MACROD2: variants seen among roughly 807,000 people sequenced by gnomAD.
The protein encoded by MACROD2 is ADP-ribose glycohydrolase MACROD2.
A neutral mutation model predicts 70.4 loss-of-function variants in MACROD2; 36 were observed. The observed-to-expected ratio is 0.51, with a 90% confidence interval of 0.39 to 0.68. MACROD2 has a LOEUF of 0.68. Ranked by LOEUF, MACROD2 falls within the 30% of genes least tolerant of loss-of-function variation. The pLI is 0.00. For synonymous variants in MACROD2, 172 were observed against 178.8 expected, an observed-to-expected ratio of 0.96 and a Z score of 0.30; for missense variants, 496 against 538.4, an observed-to-expected ratio of 0.92 and a Z score of 0.78.
At chr20:14,405,315 A>G (rs116663873) in intron 3 of MACROD2, among the ~76,000 whole-genome samples, 4,007 of 152,280 alleles carry the variant, frequency 0.026, 83 homozygotes, top group Non-Finnish European at 0.041. Flanking sequence ...TTCGGCTGCT[A>G]TGAGACTTTA....
At chr20:14,793,880 G>A (rs1457192606) in intron 5 of MACROD2, among the ~76,000 whole-genome samples, 2 of 152,062 alleles carry the variant, frequency 1.3e-5, no homozygotes, top group African/African-American at 4.8e-5. Context: ...GGAGGGAAGA[G>A]CTATGGCCGG....
intron 5 of MACROD2, among the ~76,000 whole-genome samples, chr20:15,155,271 A>G (rs2076299097): frequency 1.3e-5 from 2 of 152,144 alleles, no homozygotes; most frequent in African/African-American, 4.8e-5. Flanking sequence ...AAACTCTTCA[A>G]ACTCACATAG....
At chr20:14,587,092 T>C (rs1981433752) in intron 4 of MACROD2, among the ~76,000 whole-genome samples, 1 of 151,956 alleles carries the variant, frequency 6.6e-6, no homozygotes, top group African/African-American at 2.4e-5. Context: ...TCTCATTTCT[T>C]TGTGTCTTTT....
intron 5 of MACROD2, among the ~76,000 whole-genome samples, chr20:15,084,077 T>TTTTTTTGTTTGTTTTG (rs59469837): frequency 0.11 from 16,263 of 145,470 alleles, 1,061 homozygotes; most frequent in Middle Eastern, 0.18. Context: ...TTTTTGTTTT[T>TTTTTTTGTTTGTTTTG]TTTTTTTAAT....
intron 6 of MACROD2, among the ~76,000 whole-genome samples, chr20:15,282,406 T>A (rs1568690594): frequency 6.6e-6 from 1 of 152,200 alleles, no homozygotes; most frequent in Admixed American, 6.5e-5. Context: ...AAGTTCCAAT[T>A]CCAAACCACA....
intron 13 of MACROD2, among the ~76,000 whole-genome samples, chr20:15,974,346 A>C (rs1362145093): frequency 1.3e-5 from 2 of 152,230 alleles, no homozygotes; most frequent in African/African-American, 4.8e-5. Context: ...CACTAAAAAG[A>C]AATGAGCTAT....
intron 8 of MACROD2, among the ~76,000 whole-genome samples, chr20:15,681,222 G>A (rs1004360703): frequency 1.3e-5 from 2 of 152,236 alleles, no homozygotes; most frequent in African/African-American, 4.8e-5. Flanking sequence ...GATGGCTCAT[G>A]TAAACTCTTC....
intron 5 of MACROD2, among the ~76,000 whole-genome samples, chr20:14,956,918 A>C (rs1230355705): frequency 6.6e-6 from 1 of 152,164 alleles, no homozygotes; most frequent in African/African-American, 2.4e-5. Context: ...AGTTTTTCTC[A>C]GACTTCGGTC....
At chr20:14,798,778 A>AT (rs1220066006) in intron 5 of MACROD2, among the ~76,000 whole-genome samples, 2 of 152,072 alleles carry the variant, frequency 1.3e-5, no homozygotes, top group Non-Finnish European at 2.9e-5. Flanking sequence ...CTGTCACCTT[A>AT]TGTTTTAATA....
intron 8 of MACROD2, among the ~76,000 whole-genome samples, chr20:15,540,380 G>A (rs181816526): frequency 2.1e-4 from 32 of 152,298 alleles, no homozygotes; most frequent in African/African-American, 7.5e-4. Context: ...CCCGGCCATC[G>A]TGTGGAGGAT....
At chr20:14,715,257 A>T (rs2071384632) in intron 5 of MACROD2, among the ~76,000 whole-genome samples, 1 of 152,112 alleles carries the variant, frequency 6.6e-6, no homozygotes, top group African/African-American at 2.4e-5. Flanking sequence ...TAGCATGCAG[A>T]AAACTGTCTC....
intron 5 of MACROD2, among the ~76,000 whole-genome samples, chr20:14,766,829 T>C (rs1056656402): frequency 1.8e-4 from 27 of 152,136 alleles, no homozygotes; most frequent in African/African-American, 6.5e-4. Context: ...ATCTCTTTTT[T>C]CTTTTGTGTT....
chr20:15,973,798 A>G (rs74796142), intron 13 of MACROD2, among the ~76,000 whole-genome samples: 1,793 of 152,338 alleles, frequency 0.012, 33 homozygotes, highest in African/African-American at 0.04. Flanking sequence ...ATTTGAACCA[A>G]TCTATTCGGT....
At chr20:15,315,953 CT>C (rs869174752) in intron 6 of MACROD2, among the ~76,000 whole-genome samples, 7 of 151,920 alleles carry the variant, frequency 4.6e-5, no homozygotes, top group Non-Finnish European at 8.8e-5. Flanking sequence ...TTTGGACACT[CT>C]TTTTATCTAT....
chr20:14,465,488 A>T (rs1164086712), intron 3 of MACROD2, among the ~76,000 whole-genome samples: 1 of 151,998 alleles, frequency 6.6e-6, no homozygotes, highest in Non-Finnish European at 1.5e-5. Flanking sequence ...ACTCTATCCA[A>T]TTTGCCAGTC....
intron 8 of MACROD2, among the ~76,000 whole-genome samples, chr20:15,783,332 T>C (rs901939033): frequency 3.3e-5 from 5 of 152,164 alleles, no homozygotes. Flanking sequence ...AGTTGATAAA[T>C]ACTTTACGTC....
intron 5 of MACROD2, among the ~76,000 whole-genome samples, chr20:15,208,160 T>C (rs2076728269): frequency 6.6e-6 from 1 of 152,190 alleles, no homozygotes; most frequent in South Asian, 2.1e-4. Flanking sequence ...TATTGTCCTG[T>C]CTTCAAGTTC....
intron 5 of MACROD2, among the ~76,000 whole-genome samples, chr20:14,735,675 G>A (rs548594179): frequency 6.6e-6 from 1 of 151,964 alleles, no homozygotes; most frequent in African/African-American, 2.4e-5. Context: ...TGGCAAAACC[G>A]TGTCTCTATT....
intron 3 of MACROD2, among the ~76,000 whole-genome samples, chr20:14,127,138 A>G (rs954649419): frequency 1.3e-5 from 2 of 152,136 alleles, no homozygotes; most frequent in Non-Finnish European, 2.9e-5. Flanking sequence ...TAAAAGTGCT[A>G]CTCCAGTGAA....
Sources: gnomAD v4.1 joint callset for allele counts (sites outside exome capture counted in the v4.1 genomes callset) on GRCh38, gnomAD v4.1.1 for gene constraint, MANE v1.5 for transcripts, NCBI Gene and HGNC (gene_info 2026-07-23, HGNC 2026-07-21) for gene names.